Variants in CCDC14 observed in about 807,000 individuals in gnomAD.
CCDC14 encodes the protein coiled-coil domain-containing protein 14.
A neutral mutation model predicts 81.4 loss-of-function variants in CCDC14; 71 were observed. That is an observed-to-expected ratio of 0.87 (90% CI 0.72 to 1.06). The LOEUF is 1.06. Ranked by LOEUF, CCDC14 falls within the 50% of genes least tolerant of loss-of-function variation. The probability of loss-of-function intolerance (pLI) is 0.00; values close to 1 mark genes in which losing one functional copy is unlikely to be tolerated. For missense variants in CCDC14, 1,046 were observed against 1,047.3 expected, an observed-to-expected ratio of 1.00 and a Z score of 0.02; for synonymous variants, 332 against 364.8, an observed-to-expected ratio of 0.91 and a Z score of 1.03.
At chr3:123,890,936 T>C in the CCDC14 span, among the ~76,000 whole-genome samples, 7 of 152,230 alleles carry the variant, frequency 4.6e-5, no homozygotes, top group Non-Finnish European at 8.8e-5. Flanking sequence ...CACCTGGGCA[T>C]CCAGGCATTT....
At chr3:123,927,625 T>TAATAAAAAAAAAAAAAAAAAAAAAAAAA (rs1553713944) in intron 12 of CCDC14, among the ~76,000 whole-genome samples, 2 of 151,770 alleles carry the variant, frequency 1.3e-5, no homozygotes, top group Non-Finnish European at 2.9e-5. Context: ...ATGCCCAGCA[T>TAATAAAAAAAAAAAAAAAAAAAAAAAAA]AAAAACGTGC....
intron 5 of CCDC14, chr3:123,954,720 T>C (rs1370701119): frequency 3.3e-5 from 5 of 152,176 alleles, no homozygotes; most frequent in Non-Finnish European, 5.9e-5. Flanking sequence ...AAATTTACAC[T>C]TGAAAAGGTA....
intron 12 of CCDC14, among the ~76,000 whole-genome samples, chr3:123,916,468 T>TTGTGTGTGTGTGTGTGTGTG (rs71142765): frequency 6.8e-6 from 1 of 146,066 alleles, no homozygotes; most frequent in East Asian, 2.0e-4. Flanking sequence ...ATATATGTGT[T>TTGTGTGTGTGTGTGTGTGTG]TGTGTGTGTG....
chr3:123,927,557 T>A (rs2700387), intron 12 of CCDC14, among the ~76,000 whole-genome samples: 5,255 of 152,286 alleles, frequency 0.035, 314 homozygotes, highest in African/African-American at 0.12. Flanking sequence ...GTTTTTACAA[T>A]CATTCATAAG....
At chr3:123,932,716 T>C (rs1257980465) in intron 10 of CCDC14, among the ~76,000 whole-genome samples, 2 of 152,194 alleles carry the variant, frequency 1.3e-5, no homozygotes, top group East Asian at 1.9e-4. Flanking sequence ...TTAAGCTCTG[T>C]GATCATTAAG....
At chr3:123,958,613 G>A (rs1439639447) in intron 1 of CCDC14, 1 of 151,984 alleles carries the variant, frequency 6.6e-6, no homozygotes, top group African/African-American at 2.4e-5. Context: ...AGTTAAGTTT[G>A]CAGATACAAT....
At chr3:123,912,542 C>T (rs773320187), downstream of CCDC14, among the ~76,000 whole-genome samples, 3 of 152,148 alleles carry the variant, frequency 2.0e-5, no homozygotes, top group Non-Finnish European at 4.4e-5. Flanking sequence ...ACCCAGCTGA[C>T]TGAAAAATTT....
the CCDC14 span, among the ~76,000 whole-genome samples, chr3:123,890,003 C>T: frequency 1.2e-4 from 19 of 152,194 alleles, no homozygotes; most frequent in African/African-American, 4.6e-4. Flanking sequence ...GGGGAGGCCT[C>T]ACAATCATGG....
downstream of CCDC14, among the ~76,000 whole-genome samples, chr3:123,895,354 A>G (rs1920213): frequency 0.14 from 20,889 of 152,092 alleles, 2,473 homozygotes; most frequent in East Asian, 0.36. Context: ...AGGAAAAGAC[A>G]GTAAGATGTC....
chr3:123,944,375 A>G (rs2036518173), intron 9 of CCDC14, among the ~76,000 whole-genome samples: 1 of 152,114 alleles, frequency 6.6e-6, no homozygotes, highest in Non-Finnish European at 1.5e-5. Flanking sequence ...AGACTCCCCC[A>G]TTACCACATC....
At chr3:123,956,257 T>A (rs1044492277) in intron 3 of CCDC14, 98 bp downstream of exon 3, 2 of 1,231,416 alleles carry the variant, frequency 1.6e-6, no homozygotes, top group African/African-American at 3.1e-5. Flanking sequence ...GACTTCATAC[T>A]TCCTTAGAGC....
chr3:123,932,960 G>A (rs1254980192), intron 10 of CCDC14, among the ~76,000 whole-genome samples: 2 of 152,074 alleles, frequency 1.3e-5, no homozygotes, highest in South Asian at 2.1e-4. Flanking sequence ...TTAGACAGGC[G>A]TGGTGGCAGG....
Position 123,949,043 on chromosome 3 carries a change from G to T in CCDC14, c.442C>A (p.Gln148Lys). ...GGTGAATACATTCTATAATGATCTTGCAATGACCAGTTTTGCTCTAGGTCT... is the reference window on the plus strand; with the variant it reads ...GGTGAATACATTCTATAATGATCTTTCAATGACCAGTTTTGCTCTAGGTCT... ...TSDLEQNWSL[Q>K]DHYRMYSPII... The change falls in exon 6 of 13, where the codon CAA (glutamine) becomes AAA (lysine). Residue 148 changes from glutamine (Q) to lysine (K), a missense_variant. By Grantham distance (53) the Gln-to-Lys change is moderately conservative. Transcript: ENST00000409697. The T allele has an allele frequency of 6.2e-7, 1 of 1,613,516 alleles. No individual in the cohort carries two copies. Among genetic ancestry groups the T allele is most frequent in the Non-Finnish European group, 8.5e-7 (1 of 1,179,616 alleles).
At chr3:123,893,975 T>A (rs1197986191), downstream of CCDC14, among the ~76,000 whole-genome samples, 6 of 152,224 alleles carry the variant, frequency 3.9e-5, no homozygotes, top group Non-Finnish European at 7.3e-5. Context: ...TAGCAAATAT[T>A]TTCTCTCATT....
intron 12 of CCDC14, among the ~76,000 whole-genome samples, chr3:123,915,930 G>A (rs113496805): frequency 1.7e-4 from 25 of 150,846 alleles, no homozygotes; most frequent in Admixed American, 2.6e-4. Flanking sequence ...GGTCTGTATC[G>A]AATCTATCAC....
In CCDC14 at chr3:123,915,200, C is replaced by A. The variant is rs2034588537; in HGVS notation, c.2297G>T (p.Ser766Ile). The change falls in exon 13 of 13, where the codon AGC becomes ATC. Residue 766 changes from serine (S) to isoleucine (I), a missense_variant. By Grantham distance (142) the Ser-to-Ile change is moderately radical. Coordinates refer to ENST00000409697, the MANE Select transcript of CCDC14 (RefSeq NM_001366335.1). The part of the protein sequence containing the change: ...RAATTQLVSN[S>I]GLAVSGKENK... ...TTCTTTTCCAGAGACAGCAAGTCCG[C>A]TGTTGCTGACTAGCTGTGTTGTAGC... 6.2e-7 allele frequency: 1 copy of A among 1,613,696 alleles called. No individual in the cohort carries two copies. Among genetic ancestry groups the A allele is most frequent in the African/African-American group, 1.3e-5 (1 of 75,024 alleles).
At chr3:123,910,010 C>T (rs1559757582), downstream of CCDC14, among the ~76,000 whole-genome samples, 1 of 152,088 alleles carries the variant, frequency 6.6e-6, no homozygotes, top group Non-Finnish European at 1.5e-5. Flanking sequence ...AAAAGCAGAC[C>T]TGGCTTCAAG....
rs753111921 is a variant in CCDC14, at chr3:123,946,971, C to T, written c.1033G>A (p.Glu345Lys). ...LATNEEKCAR[E>K]QIREATSERK... Reference sequence around the variant, plus strand: ...TCACTTGTGGCCTCTCTAATTTGCTCTCTGGCACATTTTTCTTCATTAGTG... The same window carrying T: ...TCACTTGTGGCCTCTCTAATTTGCTTTCTGGCACATTTTTCTTCATTAGTG... Residue 345 changes from glutamate to lysine, a missense_variant, in exon 8 of 13, where the codon GAG becomes AAG. Coordinates refer to ENST00000409697, the MANE Select transcript of CCDC14 (RefSeq NM_001366335.1). The T allele has an allele frequency of 3.7e-6, 6 of 1,613,966 alleles. No individual in the cohort carries two copies.
At chr3:123,931,638 G>GTTTAACGA in intron 10 of CCDC14, 112 bp from the exon 11 acceptor site, 1 of 618,386 alleles carries the variant, frequency 1.6e-6, no homozygotes, top group Non-Finnish European at 2.7e-6. Flanking sequence ...TATTGATTTT[G>GTTTAACGA]TTTAACGATT....
Sources: gnomAD v4.1 joint callset for allele counts (sites outside exome capture counted in the v4.1 genomes callset) on GRCh38, gnomAD v4.1.1 for gene constraint, MANE v1.5 for transcripts, NCBI Gene and HGNC (gene_info 2026-07-23, HGNC 2026-07-21) for gene names.